The following CSMD1 variants were observed in gnomAD, a reference collection of about 807,000 sequenced individuals.
CSMD1 encodes the protein CUB and sushi domain-containing protein 1.
In CSMD1, 213 loss-of-function variants were observed where a neutral mutation model predicts 417.5. That is an observed-to-expected ratio of 0.51 (90% CI 0.46 to 0.57). CSMD1 has a LOEUF of 0.57. Ranked by LOEUF, CSMD1 falls within the 20% of genes least tolerant of loss-of-function variation. The probability of loss-of-function intolerance (pLI) is 0.00; values close to 1 mark genes in which losing one functional copy is unlikely to be tolerated. For synonymous variants in CSMD1, 2,862 were observed against 1,736.8 expected (o/e 1.65, Z -16.11); for missense variants, 6,923 against 4,529.7 (o/e 1.53, Z -15.17).
chr8:4,173,644 C>T (rs1034915414), intron 3 of CSMD1, among the ~76,000 whole-genome samples: 1 of 151,960 alleles, frequency 6.6e-6, no homozygotes, highest in African/African-American at 2.4e-5. Flanking sequence ...ACACTGAATG[C>T]CACTTTTCAG....
intron 1 of CSMD1, among the ~76,000 whole-genome samples, chr8:4,639,254 T>TTTC (rs1447864508): frequency 6.7e-6 from 1 of 149,180 alleles, no homozygotes; most frequent in Admixed American, 6.8e-5. Context: ...GTTGTCAATT[T>TTTC]TTTTTTTTTT....
At chr8:4,793,157 C>A (rs946504306) in intron 1 of CSMD1, among the ~76,000 whole-genome samples, 1 of 152,004 alleles carries the variant, frequency 6.6e-6, no homozygotes, top group Admixed American at 6.6e-5. Context: ...AATTCTTTAA[C>A]CTTCAATGTC....
chr8:4,139,782 C>A (rs999010918), intron 3 of CSMD1, among the ~76,000 whole-genome samples: 1 of 151,072 alleles, frequency 6.6e-6, no homozygotes, highest in Admixed American at 6.6e-5. Context: ...TGTTTGCACA[C>A]TGAGCTCAGT....
At chr8:3,329,232 G>C (rs1427121458) in intron 23 of CSMD1, among the ~76,000 whole-genome samples, 5 of 152,116 alleles carry the variant, frequency 3.3e-5, no homozygotes, top group African/African-American at 4.8e-5. Context: ...GGCTGAGCTA[G>C]GAAAGTGGTC....
At chr8:4,243,579 T>C (rs1490346928) in intron 3 of CSMD1, among the ~76,000 whole-genome samples, 3 of 152,172 alleles carry the variant, frequency 2.0e-5, no homozygotes, top group Admixed American at 6.5e-5. Flanking sequence ...AAATAAGTTA[T>C]GCAAGGAGAG....
At chr8:4,133,805 C>A (rs1387471024) in intron 3 of CSMD1, among the ~76,000 whole-genome samples, 1 of 152,176 alleles carries the variant, frequency 6.6e-6, no homozygotes, top group East Asian at 1.9e-4. Flanking sequence ...CCATGCCACT[C>A]TGACCATGCC....
In CSMD1 at chr8:4,071,763, T is replaced by A. The variant is rs569072085; in HGVS notation, c.416-39664A>T. On this transcript the variant is annotated intron_variant, in intron 3 of 69. Transcript: ENST00000635120. ...GAATATATTTATTTCGTCTTTGGGG[T>A]TTTATTTTTTATTCCTTGGCAGGAA... 1.9e-4 allele frequency among the ~76,000 whole-genome samples: 29 copies of A among 152,226 alleles called. No individual in the cohort carries two copies. In the East Asian group the frequency reaches 4.6e-3, roughly 24 times the overall value.
At chr8:3,524,128 C>A (rs550475781) in intron 10 of CSMD1, among the ~76,000 whole-genome samples, 1 of 150,460 alleles carries the variant, frequency 6.6e-6, no homozygotes, top group East Asian at 2.0e-4. Flanking sequence ...TGTGCACATA[C>A]ATACACACAC....
intron 3 of CSMD1, among the ~76,000 whole-genome samples, chr8:4,358,282 G>A (rs192381636): frequency 0.013 from 2,034 of 152,278 alleles, 28 homozygotes; most frequent in Non-Finnish European, 0.016. Context: ...TGTGGAGCGC[G>A]GCCATGGGCC....
chr8:3,187,722 A>G lies in CSMD1; in HGVS notation c.5620+147T>C, dbSNP rs142653353. On this transcript the variant is annotated intron_variant, in intron 36 of 69. Coordinates refer to ENST00000635120, the MANE Select transcript of CSMD1 (RefSeq NM_033225.6). ...ACCTGTTTCTTGATGGTCTTACTCT[A>G]AGACTTTCAGCACTAGAGCAACCAT... 3.4e-4 allele frequency: 209 copies of G among 609,398 alleles called. 1 individual carries two copies. The East Asian group carries it at 5.9e-3, about 17-fold the overall frequency. 37.7% of individuals were successfully genotyped at this position (609,398 alleles called of 1,614,324 possible).
intron 25 of CSMD1, among the ~76,000 whole-genome samples, chr8:3,301,886 G>A (rs1037893676): frequency 2.0e-5 from 3 of 152,062 alleles, no homozygotes; most frequent in African/African-American, 4.8e-5. Context: ...TAAGAAGAAA[G>A]GAAACATAAA....
intron 40 of CSMD1, among the ~76,000 whole-genome samples, chr8:3,145,301 G>A (rs866734253): frequency 6.6e-6 from 1 of 152,154 alleles, no homozygotes; most frequent in Non-Finnish European, 1.5e-5. Flanking sequence ...ATATTTTATG[G>A]TAGGGAAATG....
chr8:4,572,751 CATCA>C (rs1411740366), intron 2 of CSMD1, among the ~76,000 whole-genome samples: 1 of 152,128 alleles, frequency 6.6e-6, no homozygotes, highest in Non-Finnish European at 1.5e-5. Flanking sequence ...CTTTCAGGTC[CATCA>C]ATCAATCATA....
intron 3 of CSMD1, among the ~76,000 whole-genome samples, chr8:4,167,387 T>A (rs1268199089): frequency 1.3e-5 from 2 of 152,216 alleles, no homozygotes; most frequent in East Asian, 3.9e-4. Context: ...CAAACTATGT[T>A]AAATTTCATA....
At chr8:3,596,844 T>G (rs969461540) in intron 8 of CSMD1, among the ~76,000 whole-genome samples, 7 of 152,172 alleles carry the variant, frequency 4.6e-5, no homozygotes, top group African/African-American at 1.7e-4. Context: ...AAAGCATGTT[T>G]ACAAGACACT....
At chr8:3,312,632 C>T (rs760647565) in intron 23 of CSMD1, among the ~76,000 whole-genome samples, 22 of 152,138 alleles carry the variant, frequency 1.4e-4, no homozygotes, top group Admixed American at 9.2e-4. Flanking sequence ...GGAATCACAG[C>T]CATCAATACC....
At chr8:3,290,319 TG>T (rs1454936912) in intron 25 of CSMD1, among the ~76,000 whole-genome samples, 2 of 146,900 alleles carry the variant, frequency 1.4e-5, no homozygotes, top group Non-Finnish European at 1.5e-5. Flanking sequence ...GGCTCTTTTT[TG>T]GTTCCATATG....
At chr8:4,488,036 A>C (rs1481741456) in intron 2 of CSMD1, among the ~76,000 whole-genome samples, 2 of 152,186 alleles carry the variant, frequency 1.3e-5, no homozygotes, top group Non-Finnish European at 2.9e-5. Flanking sequence ...TGAGTAGGTC[A>C]TGAGGATGGA....
intron 10 of CSMD1, among the ~76,000 whole-genome samples, chr8:3,546,250 C>T (rs145426081): frequency 1.0e-3 from 151 of 146,848 alleles, no homozygotes; most frequent in South Asian, 2.2e-3. Flanking sequence ...TGGCTGGCCA[C>T]GTGAATTTTT....
Sources: allele counts gnomAD v4.1 joint callset (sites outside exome capture counted in the v4.1 genomes callset), GRCh38; gene constraint gnomAD v4.1.1; transcripts MANE v1.5; gene names NCBI Gene and HGNC (gene_info 2026-07-23, HGNC 2026-07-21).